The following GPR25 variants were observed in gnomAD, a reference collection of about 807,000 sequenced individuals.
GPR25 encodes the protein G protein-coupled receptor 25.
For synonymous variants in GPR25, 280 were observed against 264.9 expected, an observed-to-expected ratio of 1.06 and a Z score of -0.55; for missense variants, 501 against 503.0, an observed-to-expected ratio of 1.00 and a Z score of 0.04.
At position 200,873,464 on chromosome 1, in the gene GPR25, A is replaced by C; in HGVS notation, c.427A>C (p.Lys143Gln). The C allele has an allele frequency of 6.4e-7, 1 of 1,561,670 alleles. No homozygotes were observed. The highest frequency in any genetic ancestry group is 1.4e-5 in the African/African-American group (1 of 72,746). Residue 143 changes from lysine to glutamine, a missense_variant, in exon 1 of 1, where the codon AAG (lysine) becomes CAG (glutamine). By Grantham distance (53) the Lys-to-Gln change is moderately conservative (BLOSUM62 1). Coordinates refer to ENST00000304244, the MANE Select transcript of GPR25 (RefSeq NM_005298.4). The stretch of plus-strand genomic sequence containing the variant: ...CGTGGACCGCTACCTGGCCGTGGTG[A>C]AGCTGCTCGAGGCGAGGCCACTGCG... ...MSVDRYLAVV[K>Q]LLEARPLRTP...
chr1:200,873,042 C>A lies in GPR25; in HGVS notation c.5C>A (p.Ala2Asp). Residue 2 changes from alanine to aspartate, a missense_variant, in exon 1 of 1, where the codon GCC becomes GAC. Coordinates refer to ENST00000304244, the MANE Select transcript of GPR25 (RefSeq NM_005298.4). M[A>D]PTEPWSPSPG... ...CGCAGGCCTCATAGCCAGGCCATGG[C>A]CCCCACAGAGCCCTGGAGCCCCAGC... 1 of 1,540,764 alleles carries A rather than the reference C, an allele frequency of 6.5e-7. No individual in the cohort carries two copies. Among genetic ancestry groups the A allele is most frequent in the Non-Finnish European group, 8.7e-7 (1 of 1,147,612 alleles).
Position 200,873,848 on chromosome 1 carries a change from C to T in GPR25, c.811C>T (p.Arg271Cys), listed in dbSNP as rs756171622. 1.2e-6 allele frequency: 2 copies of T among 1,602,870 alleles called. No homozygotes were observed. Among genetic ancestry groups the T allele is most frequent in the Admixed American group, 1.7e-5 (1 of 59,924 alleles). ...CCTGCGGGCCGTCTTCCACCTGGCG[C>T]GTCTGGGGGCGCTGCCGCTGCCGTG... ...SALRAVFHLARLGALPLPCPL... is the reference protein window; with the variant it reads ...SALRAVFHLACLGALPLPCPL... The change falls in exon 1 of 1, where the codon CGT becomes TGT. Residue 271 changes from arginine (R) to cysteine (C), a missense_variant. Arg to Cys is a radical substitution (Grantham distance 180). Transcript: ENST00000304244.
At position 200,873,789 on chromosome 1, in the gene GPR25, G is replaced by A. The variant is rs907085858; in HGVS notation, c.752G>A (p.Ser251Asn). 1 of 1,599,724 alleles carries A rather than the reference G, an allele frequency of 6.3e-7. No individual in the cohort carries two copies. The highest frequency in any genetic ancestry group is 8.5e-7 in the Non-Finnish European group (1 of 1,179,330). Residue 251 changes from serine to asparagine, a missense_variant, in exon 1 of 1, where the codon AGC (serine) becomes AAC (asparagine). Coordinates refer to ENST00000304244, the MANE Select transcript of GPR25 (RefSeq NM_005298.4). ...NSLRIIFAIESTFVGSWLPFS... is the reference protein window; with the variant it reads ...NSLRIIFAIENTFVGSWLPFS... Reference sequence around the variant, plus strand: ...CTGCGCATCATCTTCGCCATCGAGAGCACGTTTGTGGGCTCCTGGCTGCCC... The same window carrying A: ...CTGCGCATCATCTTCGCCATCGAGAACACGTTTGTGGGCTCCTGGCTGCCC...
rs373725499 is a variant in GPR25 at position 200,873,975 on chromosome 1, C to A, written c.938C>A (p.Ser313Ter). The change falls in exon 1 of 1, where the codon TCA becomes TAA. Residue 313 changes from serine (S) to a stop codon, truncating the protein, a stop_gained. Coordinates refer to ENST00000304244, the MANE Select transcript of GPR25 (RefSeq NM_005298.4). LOFTEE classifies it low-confidence loss of function (END_TRUNC). ...CTCATCTACCTCCTGCTGGACCGCTCATTCCGAGCCCGGGCGCTGGACGGG... is the reference window on the plus strand; with the variant it reads ...CTCATCTACCTCCTGCTGGACCGCTAATTCCGAGCCCGGGCGCTGGACGGG... ...NPLIYLLLDR[S>*]FRARALDGAC... 1 of 1,612,112 alleles carries A rather than the reference C, an allele frequency of 6.2e-7. No homozygotes were observed. Among genetic ancestry groups the A allele is most frequent in the South Asian group, 1.1e-5 (1 of 91,044 alleles).
rs1024668177 is a variant in GPR25, at chr1:200,873,159, A to G, written c.122A>G (p.Tyr41Cys). Residue 41 changes from tyrosine to cysteine, a missense_variant, in exon 1 of 1, where the codon TAC becomes TGC. Coordinates refer to ENST00000304244, the MANE Select transcript of GPR25 (RefSeq NM_005298.4). ...PAGDLPYGYV[Y>C]IPALYLAAFA... The stretch of plus-strand genomic sequence containing the variant: ...GGGGACCTGCCCTACGGCTACGTCT[A>G]CATCCCCGCGCTCTACCTGGCGGCC... 1 of 1,606,646 alleles carries G rather than the reference A, an allele frequency of 6.2e-7. No homozygotes were observed. Among genetic ancestry groups the G allele is most frequent in the South Asian group, 1.1e-5 (1 of 90,526 alleles).
At position 200,873,720 on chromosome 1, in the gene GPR25, G is replaced by T. The variant is rs760110204; in HGVS notation, c.683G>T (p.Arg228Leu). Residue 228 changes from arginine to leucine, a missense_variant, in exon 1 of 1, where the codon CGC becomes CTC. Transcript: ENST00000304244. ...TTCTGCTACTGCCGCATCTCGCGCC[G>T]CCTGCGACGGCCGCCGCACGTGGGT... ...TLFCYCRISR[R>L]LRRPPHVGRA... is the part of the protein sequence containing the mutation. 1.9e-6 allele frequency: 3 copies of T among 1,597,486 alleles called. No homozygotes were observed. In the African/African-American group the frequency reaches 4.0e-5, roughly 21 times the overall value.
At position 200,873,354 on chromosome 1, in the gene GPR25, C is replaced by G. The variant is rs1667996358; in HGVS notation, c.317C>G (p.Pro106Arg). 11 of 1,480,706 alleles carry G rather than the reference C, an allele frequency of 7.4e-6. No individual in the cohort carries two copies. Among genetic ancestry groups the G allele is most frequent in the Middle Eastern group, 1.9e-4 (1 of 5,244 alleles). The allele number at this position is 1,480,706 out of a possible 1,614,324, so 91.7% of individuals were successfully genotyped here. Reference sequence around the variant, plus strand: ...GCGGCGGCGCTAGGCGGCCGCTGGCCGTTCGGCGATGGCCTCTGCAAGCTC... The same window carrying G: ...GCGGCGGCGCTAGGCGGCCGCTGGCGGTTCGGCGATGGCCTCTGCAAGCTC... ...AAAAALGGRW[P>R]FGDGLCKLSS... The change falls in exon 1 of 1, where the codon CCG becomes CGG. Residue 106 changes from proline to arginine, a missense_variant. By Grantham distance (103) the Pro-to-Arg change is moderately radical (BLOSUM62 -2). Coordinates refer to ENST00000304244, the MANE Select transcript of GPR25 (RefSeq NM_005298.4).
rs1331910667 is a variant in GPR25, at chr1:200,873,543, T to G, written c.506T>G (p.Leu169Arg). The G allele has an allele frequency of 1.3e-6, 2 of 1,563,960 alleles. No individual in the cohort carries two copies. The highest frequency in any genetic ancestry group is 2.0e-4 in the Middle Eastern group (1 of 4,888). ...SCCGVWAVAL[L>R]AGLPSLVYRG... The stretch of plus-strand genomic sequence containing the variant: ...TGCGGCGTCTGGGCCGTGGCGCTGC[T>G]GGCCGGCCTGCCCTCCCTGGTCTAC... Residue 169 changes from leucine (L) to arginine (R), a missense_variant, in exon 1 of 1, where the codon CTG becomes CGG. Leu to Arg is a moderately radical substitution (Grantham distance 102). Transcript: ENST00000304244.
In GPR25 at chr1:200,874,155, G is replaced by A; in HGVS notation, c.*32G>A. On this transcript the variant is annotated 3_prime_UTR_variant, in exon 1 of 1. Transcript: ENST00000304244. ...CGGGCCGCTGGAGGTGGGCGGCAGC[G>A]GAGCATCGAGAGGAGGCCAGAGGTC... 1.3e-6 allele frequency: 2 copies of A among 1,492,984 alleles called. No homozygotes were observed. Among genetic ancestry groups the A allele is most frequent in the Non-Finnish European group, 1.8e-6 (2 of 1,115,366 alleles). The allele number at this position is 1,492,984 out of a possible 1,614,324, so 92.5% of individuals were successfully genotyped here.
chr1:200,873,396 C>A lies in GPR25; in HGVS notation c.359C>A (p.Ala120Glu). ...GLCKLSSFALAGTRCAGALLL... is the reference protein window; with the variant it reads ...GLCKLSSFALEGTRCAGALLL... The stretch of plus-strand genomic sequence containing the variant: ...TGCAAGCTCAGCAGCTTCGCGCTGG[C>A]GGGCACGCGCTGCGCGGGCGCGCTG... The change falls in exon 1 of 1, where the codon GCG becomes GAG. Residue 120 changes from alanine to glutamate, a missense_variant. By Grantham distance (107) the Ala-to-Glu change is moderately radical (BLOSUM62 -1). Transcript: ENST00000304244. 1.3e-6 allele frequency: 2 copies of A among 1,491,886 alleles called. No homozygotes were observed. Among genetic ancestry groups the A allele is most frequent in the South Asian group, 1.3e-5 (1 of 78,800 alleles). 92.4% of individuals were successfully genotyped at this position (1,491,886 alleles called of 1,614,324 possible). A position where few individuals can be genotyped will look rare whatever the true frequency, so the allele number is the denominator to read the frequency against.
In GPR25 at chr1:200,873,433, C is replaced by T. The variant is rs1423726739; in HGVS notation, c.396C>T (p.Gly132=). 4 of 1,526,338 alleles carry T rather than the reference C, an allele frequency of 2.6e-6. No homozygotes were observed. Among genetic ancestry groups the T allele is most frequent in the Non-Finnish European group, 3.5e-6 (4 of 1,146,588 alleles). 94.5% of individuals were successfully genotyped at this position (1,526,338 alleles called of 1,614,324 possible). Residue 132 remains glycine, a synonymous_variant, in exon 1 of 1, where the codon GGC becomes GGT. Coordinates refer to ENST00000304244, the MANE Select transcript of GPR25 (RefSeq NM_005298.4). The part of the protein sequence containing the change: ...TRCAGALLLA[G]MSVDRYLAVV... ...GCGCGGGCGCGCTGCTGCTGGCGGGCATGAGCGTGGACCGCTACCTGGCCG... is the reference window on the plus strand; with the variant it reads ...GCGCGGGCGCGCTGCTGCTGGCGGGTATGAGCGTGGACCGCTACCTGGCCG...
Position 200,873,006 on chromosome 1 carries a change from G to C in GPR25, c.-32G>C. ...AGAGCTGCTGCCGCCTGCGCCCAGG[G>C]CTGCACTCCGCGCAGGCCTCATAGC... On this transcript the variant is annotated 5_prime_UTR_variant, in exon 1 of 1. Transcript: ENST00000304244. The C allele has an allele frequency of 6.7e-7, 1 of 1,482,496 alleles. No homozygotes were observed. Among genetic ancestry groups the C allele is most frequent in the Non-Finnish European group, 8.9e-7 (1 of 1,119,170 alleles). The allele number at this position is 1,482,496 out of a possible 1,614,324, so 91.8% of individuals were successfully genotyped here. A position where few individuals can be genotyped will look rare whatever the true frequency, so the allele number is the denominator to read the frequency against.
Position 200,873,749 on chromosome 1 carries a change from G to T in GPR25, c.712G>T (p.Ala238Ser), listed in dbSNP as rs1381612138. The T allele has an allele frequency of 6.3e-7, 1 of 1,598,596 alleles. No individual in the cohort carries two copies. Among genetic ancestry groups the T allele is most frequent in the Non-Finnish European group, 8.5e-7 (1 of 1,179,090 alleles). Residue 238 changes from alanine to serine, a missense_variant, in exon 1 of 1, where the codon GCC becomes TCC. By Grantham distance (99) the Ala-to-Ser change is moderately conservative (BLOSUM62 1). Transcript: ENST00000304244. The stretch of plus-strand genomic sequence containing the variant: ...GCGACGGCCGCCGCACGTGGGTCGG[G>T]CCCGGAGGAACTCGCTGCGCATCAT... ...RLRRPPHVGR[A>S]RRNSLRIIFA...
rs758174965 is a variant in GPR25, at chr1:200,873,862, G to C, written c.825G>C (p.Leu275=). Reference sequence around the variant, plus strand: ...TCCACCTGGCGCGTCTGGGGGCGCTGCCGCTGCCGTGCCCCCTGCTGCTGG... The same window carrying C: ...TCCACCTGGCGCGTCTGGGGGCGCTCCCGCTGCCGTGCCCCCTGCTGCTGG... ...AVFHLARLGA[L]PLPCPLLLAL... is the part of the protein sequence containing the mutation. The change falls in exon 1 of 1, where the codon CTG becomes CTC. Residue 275 remains leucine (L), a synonymous_variant. Transcript: ENST00000304244. 2 of 1,604,760 alleles carry C rather than the reference G, an allele frequency of 1.2e-6. No individual in the cohort carries two copies. The highest frequency in any genetic ancestry group is 3.3e-5 in the Admixed American group (2 of 59,894).
At position 200,874,092 on chromosome 1, in the gene GPR25, A is replaced by G. The variant is rs760570778; in HGVS notation, c.1055A>G (p.Gln352Arg). ...DDSSVFRCRA[Q>R]AANTASASW The stretch of plus-strand genomic sequence containing the variant: ...AGTTCCGTGTTCCGTTGCCGGGCCC[A>G]GGCCGCGAACACTGCCTCGGCCTCC... The change falls in exon 1 of 1, where the codon CAG becomes CGG. Residue 352 changes from glutamine to arginine, a missense_variant. Gln to Arg is a conservative substitution (Grantham distance 43, BLOSUM62 1). Coordinates refer to ENST00000304244, the MANE Select transcript of GPR25 (RefSeq NM_005298.4). 6 of 1,579,614 alleles carry G rather than the reference A, an allele frequency of 3.8e-6. No individual in the cohort carries two copies. Among genetic ancestry groups the G allele is most frequent in the Non-Finnish European group, 5.2e-6 (6 of 1,160,008 alleles).
Position 200,873,998 on chromosome 1 carries a change from G to A in GPR25, c.961G>A (p.Gly321Arg), listed in dbSNP as rs1219784161. The A allele has an allele frequency of 1.2e-6, 2 of 1,611,806 alleles. No homozygotes were observed. Among genetic ancestry groups the A allele is most frequent in the African/African-American group, 1.3e-5 (1 of 74,934 alleles). The change falls in exon 1 of 1, where the codon GGG becomes AGG. Residue 321 changes from glycine (G) to arginine (R), a missense_variant. Physicochemically the swap from Gly to Arg is moderately radical, Grantham distance 125 (BLOSUM62 -2). Transcript: ENST00000304244. ...DRSFRARALD[G>R]ACGRTGRLAR... ...CTCATTCCGAGCCCGGGCGCTGGAC[G>A]GGGCCTGCGGGCGCACCGGCCGCCT...
rs761250325 is a variant in GPR25 at position 200,873,489 on chromosome 1, G to A, written c.452G>A (p.Arg151His). The A allele has an allele frequency of 6.4e-7, 1 of 1,562,486 alleles. No homozygotes were observed. The highest frequency in any genetic ancestry group is 8.6e-7 in the Non-Finnish European group (1 of 1,163,110). The change falls in exon 1 of 1, where the codon CGC becomes CAC. Residue 151 changes from arginine to histidine, a missense_variant. Coordinates refer to ENST00000304244, the MANE Select transcript of GPR25 (RefSeq NM_005298.4). ...AAGCTGCTCGAGGCGAGGCCACTGC[G>A]CACCCCGCGCTGCGCGCTGGCCTCG... Reference protein sequence around the residue: ...VVKLLEARPLRTPRCALASCC... With the variant: ...VVKLLEARPLHTPRCALASCC...
rs146887111 is a variant in GPR25, at chr1:200,873,844, G to T, written c.807G>T (p.Leu269=). The change falls in exon 1 of 1, where the codon CTG becomes CTT. Residue 269 remains leucine, a synonymous_variant. Transcript: ENST00000304244. ...GCGCCCTGCGGGCCGTCTTCCACCT[G>T]GCGCGTCTGGGGGCGCTGCCGCTGC... is the stretch of plus-strand genomic sequence containing the variant. ...PFSALRAVFH[L]ARLGALPLPC... The T allele has an allele frequency of 1.3e-5, 21 of 1,602,738 alleles. No individual in the cohort carries two copies. The African/African-American group carries it at 2.0e-4, about 15-fold the overall frequency.
At position 200,873,768 on chromosome 1, in the gene GPR25, G is replaced by T. The variant is rs1668004709; in HGVS notation, c.731G>T (p.Arg244Leu). The change falls in exon 1 of 1, where the codon CGC becomes CTC. Residue 244 changes from arginine (R) to leucine (L), a missense_variant. By Grantham distance (102) the Arg-to-Leu change is moderately radical. Coordinates refer to ENST00000304244, the MANE Select transcript of GPR25 (RefSeq NM_005298.4). ...HVGRARRNSL[R>L]IIFAIESTFV... Reference sequence around the variant, plus strand: ...GGTCGGGCCCGGAGGAACTCGCTGCGCATCATCTTCGCCATCGAGAGCACG... The same window carrying T: ...GGTCGGGCCCGGAGGAACTCGCTGCTCATCATCTTCGCCATCGAGAGCACG... The T allele has an allele frequency of 6.3e-7, 1 of 1,599,066 alleles. No individual in the cohort carries two copies. The highest frequency in any genetic ancestry group is 1.7e-4 in the Middle Eastern group (1 of 6,058).
Sources: allele counts gnomAD v4.1 joint callset, GRCh38; gene constraint gnomAD v4.1.1; transcripts MANE v1.5; gene names NCBI Gene and HGNC (gene_info 2026-07-23, HGNC 2026-07-21).